The following BUB1B variants were observed in gnomAD, a reference collection of about 807,000 sequenced individuals.
BUB1B encodes the protein BUB1 mitotic checkpoint serine/threonine kinase B.
In BUB1B, 86 loss-of-function variants were observed where a neutral mutation model predicts 137.7. The ratio of observed to expected loss-of-function variants is 0.62; its 90% CI spans 0.52 to 0.75. The LOEUF is 0.75. BUB1B is among the 30% of genes least tolerant of loss of function. BUB1B has a pLI of 0.00. For missense variants in BUB1B, 1,130 were observed against 1,236.9 expected, an observed-to-expected ratio of 0.91 and a Z score of 1.30; for synonymous variants, 420 against 417.9, an observed-to-expected ratio of 1.00 and a Z score of -0.06.
At chr15:40,220,461 C>A in intron 22 of BUB1B, 103 bp from the exon 23 acceptor site, 2 of 1,201,696 alleles carry the variant, frequency 1.7e-6, no homozygotes, top group Non-Finnish European at 1.2e-6. Context: ...CTAGGTATTA[C>A]CTTACACCAT....
intron 18 of BUB1B, among the ~76,000 whole-genome samples, chr15:40,210,833 G>T (rs928902581): frequency 1.3e-5 from 2 of 152,128 alleles, no homozygotes; most frequent in African/African-American, 4.8e-5. Flanking sequence ...TCAAAGCTTT[G>T]TGTGAAGTTA....
At chr15:40,211,810 C>T (rs2037715520) in intron 18 of BUB1B, among the ~76,000 whole-genome samples, 1 of 150,188 alleles carries the variant, frequency 6.7e-6, no homozygotes, top group Non-Finnish European at 1.5e-5. Flanking sequence ...TGGGGTCTAC[C>T]TTCCTGTTTT....
intron 8 of BUB1B, among the ~76,000 whole-genome samples, chr15:40,191,651 A>T (rs1309231822): frequency 6.6e-6 from 1 of 152,214 alleles, no homozygotes; most frequent in East Asian, 1.9e-4. Flanking sequence ...ATTTTTGTGT[A>T]TGGTATAAGG....
intron 5 of BUB1B, among the ~76,000 whole-genome samples, chr15:40,181,130 T>G (rs890216642): frequency 2.0e-5 from 3 of 150,964 alleles, no homozygotes; most frequent in Non-Finnish European, 4.4e-5. Context: ...CTAGCTCTGT[T>G]GCCTAGGCTG....
chr15:40,192,746 T>G (rs1386231396), intron 8 of BUB1B, among the ~76,000 whole-genome samples: 2 of 152,258 alleles, frequency 1.3e-5, no homozygotes, highest in African/African-American at 2.4e-5. Context: ...TGAATGATAT[T>G]CCATTGTATA....
At chr15:40,165,879 G>T (rs536808873) in intron 2 of BUB1B, among the ~76,000 whole-genome samples, 19 of 150,504 alleles carry the variant, frequency 1.3e-4, no homozygotes, top group African/African-American at 4.4e-4. Flanking sequence ...ATATGACAGG[G>T]TCTCCCTCTA....
At chr15:40,174,728 G>A (rs1437106170) in intron 4 of BUB1B, among the ~76,000 whole-genome samples, 1 of 152,226 alleles carries the variant, frequency 6.6e-6, no homozygotes, top group Non-Finnish European at 1.5e-5. Context: ...CACTTTGGGA[G>A]GCCGAGGTGG....
intron 8 of BUB1B, among the ~76,000 whole-genome samples, chr15:40,190,947 G>C (rs2037429470): frequency 6.7e-6 from 1 of 150,370 alleles, no homozygotes; most frequent in Non-Finnish European, 1.5e-5. Flanking sequence ...GAGTGCAGTA[G>C]TGCCATCGTG....
intron 12 of BUB1B, 103 bp downstream of exon 12, chr15:40,201,083 G>A: frequency 9.3e-7 from 1 of 1,078,822 alleles, no homozygotes; most frequent in Admixed American, 1.8e-5. Context: ...TGAAAGACAG[G>A]GGGACTAGGA....
intron 2 of BUB1B, 83 bp downstream of exon 2, chr15:40,165,279 G>A: frequency 1.3e-6 from 2 of 1,580,812 alleles, no homozygotes; most frequent in Non-Finnish European, 8.7e-7. Flanking sequence ...ATGAGAGATG[G>A]CATAATGAGT....
In BUB1B at chr15:40,165,071, G is replaced by A. The variant is rs777141944; in HGVS notation, c.54G>A (p.Glu18=). Reference sequence around the variant, plus strand: ...TTCACAGTGAAGCCATGTCCCTGGAGGGAGATGAATGGGAACTGAGTAAAG... The same window carrying A: ...TTCACAGTGAAGCCATGTCCCTGGAAGGAGATGAATGGGAACTGAGTAAAG... ...GGALSEAMSL[E]GDEWELSKEN... Residue 18 remains glutamate, a synonymous_variant, in exon 2 of 23, where the codon GAG becomes GAA. Transcript: ENST00000287598. The A allele has an allele frequency of 1.2e-5, 19 of 1,614,164 alleles. No individual in the cohort carries two copies. The highest frequency in any genetic ancestry group is 1.6e-5 in the Non-Finnish European group (19 of 1,180,034).
At position 40,217,668 on chromosome 15, in the gene BUB1B, G is replaced by C. The variant is rs1476740808; in HGVS notation, c.2850+1G>C. 1 of 1,614,112 alleles carries C rather than the reference G, an allele frequency of 6.2e-7. No individual in the cohort carries two copies. The highest frequency in any genetic ancestry group is 1.1e-5 in the South Asian group (1 of 91,082). ...GGCTAACTGTTCTTCTCCCTACCAG[G>C]TAAGTGTAAAACAAGCCTGAGCAAA... On this transcript the variant is annotated splice_donor_variant, in intron 21 of 22. Coordinates refer to ENST00000287598, the MANE Select transcript of BUB1B (RefSeq NM_001211.6). LOFTEE classifies it high-confidence loss of function.
intron 1 of BUB1B, among the ~76,000 whole-genome samples, chr15:40,164,707 T>C (rs1011594048): frequency 6.6e-6 from 1 of 151,612 alleles, no homozygotes; most frequent in African/African-American, 2.4e-5. Flanking sequence ...CTTGCTATGT[T>C]GCCCAGGCTG....
At chr15:40,186,531 G>T (rs890343377) in intron 8 of BUB1B, among the ~76,000 whole-genome samples, 3 of 136,470 alleles carry the variant, frequency 2.2e-5, no homozygotes, top group Non-Finnish European at 4.5e-5. Context: ...TGGAAGCTCT[G>T]CCTCCCAGGT....
At chr15:40,200,175 AT>A in intron 10 of BUB1B, 68 bp from the exon 11 acceptor site, 1 of 1,035,084 alleles carries the variant, frequency 9.7e-7, no homozygotes, top group South Asian at 1.3e-5. Context: ...AGTAAAGCTA[AT>A]GTTAGAACTA....
intron 1 of BUB1B, 114 bp from the exon 2 acceptor site, chr15:40,164,939 C>T (rs940609565): frequency 3.0e-5 from 39 of 1,288,100 alleles, no homozygotes; most frequent in Non-Finnish European, 3.8e-5. Context: ...TGTGTCAGTC[C>T]ACTATATTCA....
rs1446251301 is a variant in BUB1B, at chr15:40,176,587, A to G, written c.495A>G (p.Arg165=). The part of the protein sequence containing the change: ...YISWAEEYEA[R]ENFRKADAIF... The stretch of plus-strand genomic sequence containing the variant: ...CATGGGCAGAAGAATATGAAGCTAG[A>G]GAAAACTTTAGGAAAGCAGATGCGA... The change falls in exon 5 of 23, where the codon AGA becomes AGG. Residue 165 remains arginine (R), a synonymous_variant. Coordinates refer to ENST00000287598, the MANE Select transcript of BUB1B (RefSeq NM_001211.6). The G allele has an allele frequency of 4.3e-6, 7 of 1,614,168 alleles. No homozygotes were observed. The highest frequency in any genetic ancestry group is 5.9e-6 in the Non-Finnish European group (7 of 1,180,016).
chr15:40,186,646 C>G lies in BUB1B; in HGVS notation c.1058+1004C>G, dbSNP rs11632050. Among the ~76,000 whole-genome samples the G allele has an allele frequency of 5.4e-3, 821 of 150,924 alleles. 3 individuals are homozygous for G. The highest frequency in any genetic ancestry group is 9.8e-3 in the Non-Finnish European group (664 of 67,748). Reference sequence around the variant, plus strand: ...TTTTTTAGTGGACACGGGGTTTCACCGTGTTAGCCAGGATGGTCTCGATCT... The same window carrying G: ...TTTTTTAGTGGACACGGGGTTTCACGGTGTTAGCCAGGATGGTCTCGATCT... On this transcript the variant is annotated intron_variant, in intron 8 of 22. Transcript: ENST00000287598.
At position 40,176,654 on chromosome 15, in the gene BUB1B, A is replaced by G. The variant is rs1217475652; in HGVS notation, c.562A>G (p.Arg188Gly). The part of the protein sequence containing the change: ...GIQQKAEPLE[R>G]LQSQHRQFQA... ...TCAACAGAAGGCTGAACCACTAGAA[A>G]GACTACAGTCCCAGCACCGGTAAAC... The change falls in exon 5 of 23, where the codon AGA becomes GGA. Residue 188 changes from arginine (R) to glycine (G), a missense_variant. Arg to Gly is a moderately radical substitution (Grantham distance 125). Coordinates refer to ENST00000287598, the MANE Select transcript of BUB1B (RefSeq NM_001211.6). 6.2e-7 allele frequency: 1 copy of G among 1,614,178 alleles called. No homozygotes were observed. Among genetic ancestry groups the G allele is most frequent in the Non-Finnish European group, 8.5e-7 (1 of 1,180,000 alleles).
Sources: gnomAD v4.1 joint callset for allele counts (sites outside exome capture counted in the v4.1 genomes callset) on GRCh38, gnomAD v4.1.1 for gene constraint, MANE v1.5 for transcripts, NCBI Gene and HGNC (gene_info 2026-07-23, HGNC 2026-07-21) for gene names.